Variants in GRIP1 observed in about 807,000 individuals in gnomAD.
GRIP1 encodes glutamate receptor-interacting protein 1.
Under a neutral mutation model 129.9 loss-of-function variants are expected in GRIP1, and 45 were observed. The ratio of observed to expected loss-of-function variants is 0.35; its 90% confidence interval spans 0.27 to 0.44. GRIP1 has a LOEUF of 0.44. Among genes scored for constraint, GRIP1 ranks in the 20% least tolerant of loss-of-function variants. The pLI is 1.00. For synonymous variants in GRIP1, 530 were observed against 520.8 expected, an observed-to-expected ratio of 1.02 and a Z score of -0.24; for missense variants, 1,196 against 1,396.8, an observed-to-expected ratio of 0.86 and a Z score of 2.29.
intron 1 of GRIP1, among the ~76,000 whole-genome samples, chr12:67,023,456 TCTGGATTCTC>T (rs944384667): frequency 6.6e-6 from 1 of 152,244 alleles, no homozygotes; most frequent in Admixed American, 6.5e-5. Flanking sequence ...TGGGTTTATT[TCTGGATTCTC>T]CATTCTGTTC....
chr12:66,754,213 G>A (rs1023994254), intron 1 of GRIP1, among the ~76,000 whole-genome samples: 1 of 152,110 alleles, frequency 6.6e-6, no homozygotes, highest in Non-Finnish European at 1.5e-5. Flanking sequence ...TATACATCTG[G>A]TATTCATTCA....
At chr12:66,578,936 A>G (rs1403368232) in intron 2 of GRIP1, among the ~76,000 whole-genome samples, 2 of 152,192 alleles carry the variant, frequency 1.3e-5, no homozygotes, top group Admixed American at 1.3e-4. Context: ...TGGAGATCTG[A>G]GAACGGGCAG....
At chr12:66,761,564 G>C (rs995388644) in intron 1 of GRIP1, among the ~76,000 whole-genome samples, 2 of 152,006 alleles carry the variant, frequency 1.3e-5, no homozygotes, top group Non-Finnish European at 2.9e-5. Flanking sequence ...CATTGGAATT[G>C]TGACTCTCCT....
chr12:66,807,117 C>T (rs954665881), upstream of GRIP1, among the ~76,000 whole-genome samples: 2 of 152,186 alleles, frequency 1.3e-5, no homozygotes, highest in African/African-American at 4.8e-5. Context: ...GAAGACTAGA[C>T]ACCGGGTGCT....
At chr12:66,364,265 C>CAAAA (rs1159887365) in intron 23 of GRIP1, among the ~76,000 whole-genome samples, 308 of 15,920 alleles carry the variant, frequency 0.019, no homozygotes, top group Middle Eastern at 0.091. Context: ...GACTCCATCT[C>CAAAA]AAAAAAAAAA....
At chr12:66,532,582 T>C (rs2061492060) in intron 4 of GRIP1, among the ~76,000 whole-genome samples, 1 of 152,186 alleles carries the variant, frequency 6.6e-6, no homozygotes, top group South Asian at 2.1e-4. Flanking sequence ...GACTTACTTT[T>C]GCCACTAGGA....
chr12:66,487,977 A>G (rs1202457041), intron 7 of GRIP1, among the ~76,000 whole-genome samples: 1 of 152,214 alleles, frequency 6.6e-6, no homozygotes, highest in East Asian at 1.9e-4. Flanking sequence ...AGATTCATAA[A>G]GCAAGTTCTT....
chr12:66,413,753 A>G (rs1467194702), intron 15 of GRIP1, among the ~76,000 whole-genome samples: 3 of 152,214 alleles, frequency 2.0e-5, no homozygotes, highest in African/African-American at 7.2e-5. Flanking sequence ...ATCCACCACG[A>G]TCAAGTTGGC....
At chr12:66,448,212 T>G (rs2058685346) in intron 11 of GRIP1, among the ~76,000 whole-genome samples, 1 of 152,044 alleles carries the variant, frequency 6.6e-6, no homozygotes, top group African/African-American at 2.4e-5. Flanking sequence ...GCGAATCCTC[T>G]TCCCTCTCTC....
chr12:66,558,349 C>T (rs188996771), intron 2 of GRIP1, among the ~76,000 whole-genome samples: 1 of 152,244 alleles, frequency 6.6e-6, no homozygotes, highest in East Asian at 1.9e-4. Context: ...AAAGGAAAAC[C>T]TCTTATAAAA....
intron 1 of GRIP1, among the ~76,000 whole-genome samples, chr12:66,842,393 T>C (rs191269404): frequency 1.6e-4 from 24 of 152,216 alleles, no homozygotes; most frequent in Middle Eastern, 6.8e-3. Flanking sequence ...GTAAGATCTG[T>C]TTCTGGAGCA....
chr12:67,046,218 G>A (rs556001317), intron 1 of GRIP1, among the ~76,000 whole-genome samples: 10 of 152,242 alleles, frequency 6.6e-5, no homozygotes, highest in East Asian at 1.9e-4. Context: ...CCTATGAAGC[G>A]GGCAGAAGCC....
At chr12:66,723,461 C>T (rs1352458903) in intron 1 of GRIP1, among the ~76,000 whole-genome samples, 7 of 151,504 alleles carry the variant, frequency 4.6e-5, no homozygotes, top group Admixed American at 6.6e-5. Flanking sequence ...TACAGGCGTG[C>T]GCCACCATGC....
Position 66,429,232 on chromosome 12 carries a change from A to C in GRIP1, c.1768+3316T>G, listed in dbSNP as rs541839216. Among the ~76,000 whole-genome samples the C allele has an allele frequency of 6.8e-4, 103 of 152,296 alleles. 1 individual carries two copies. The Middle Eastern group carries it at 0.024, about 35-fold the overall frequency. On this transcript the variant is annotated intron_variant, in intron 14 of 24. Transcript: ENST00000359742. ...GATGAGGGGCTGTTTCTTAATACTT[A>C]GAGCTTGCACAAGGTGAAGACGACA...
chr12:66,691,602 C>T (rs1386972795), intron 1 of GRIP1, among the ~76,000 whole-genome samples: 1 of 152,176 alleles, frequency 6.6e-6, no homozygotes, highest in East Asian at 1.9e-4. Flanking sequence ...CCCTTGTCCA[C>T]TCATTCTTCC....
chr12:66,690,293 A>G (rs1371137516), intron 1 of GRIP1, among the ~76,000 whole-genome samples: 2 of 151,782 alleles, frequency 1.3e-5, no homozygotes, highest in Non-Finnish European at 2.9e-5. Context: ...GGCTTATTTC[A>G]CTTAACATAA....
At chr12:66,719,748 T>C (rs2036002150) in intron 1 of GRIP1, among the ~76,000 whole-genome samples, 1 of 152,212 alleles carries the variant, frequency 6.6e-6, no homozygotes, top group South Asian at 2.1e-4. Context: ...TAAAAATTAA[T>C]GCTCTGAAAA....
At chr12:66,690,880 C>A (rs1188956603) in intron 1 of GRIP1, among the ~76,000 whole-genome samples, 2 of 151,640 alleles carry the variant, frequency 1.3e-5, no homozygotes, top group Admixed American at 1.3e-4. Flanking sequence ...CTGCAGTGAG[C>A]TATGATCCTG....
chr12:66,630,519 G>A (rs931966264), intron 1 of GRIP1, among the ~76,000 whole-genome samples: 1 of 64,192 alleles, frequency 1.6e-5, no homozygotes, highest in Non-Finnish European at 3.7e-5. Flanking sequence ...AGAATGAATC[G>A]CATTTGCCAG....
Sources: allele counts gnomAD v4.1 joint callset (sites outside exome capture counted in the v4.1 genomes callset), GRCh38; gene constraint gnomAD v4.1.1; transcripts MANE v1.5; gene names NCBI Gene and HGNC (gene_info 2026-07-23, HGNC 2026-07-21).